The following SMAP1 variants were observed in gnomAD, a reference collection of about 807,000 sequenced individuals.
SMAP1 encodes the protein stromal membrane-associated protein 1.
Under a neutral mutation model 58.5 loss-of-function variants are expected in SMAP1, and 24 were observed. The observed-to-expected ratio is 0.41, with a 90% CI of 0.30 to 0.58. The LOEUF is 0.58. Among genes scored for constraint, SMAP1 ranks in the 20% least tolerant of loss-of-function variants. SMAP1 has a pLI of 0.29. For missense variants in SMAP1, 563 were observed against 566.3 expected, an observed-to-expected ratio of 0.99 and a Z score of 0.06; for synonymous variants, 216 against 196.6, an observed-to-expected ratio of 1.10 and a Z score of -0.82.
intron 3 of SMAP1, among the ~76,000 whole-genome samples, chr6:70,757,505 C>G (rs1766546353): frequency 6.6e-6 from 1 of 151,926 alleles, no homozygotes; most frequent in African/African-American, 2.4e-5. Context: ...CAACAAAAGC[C>G]AAAATTGACA....
chr6:70,774,467 C>T (rs891147897), intron 4 of SMAP1, among the ~76,000 whole-genome samples: 5 of 152,134 alleles, frequency 3.3e-5, no homozygotes, highest in African/African-American at 1.2e-4. Flanking sequence ...TTCATACAAA[C>T]TGGTTTCCTA....
chr6:70,851,692 T>A (rs995508211), intron 7 of SMAP1, among the ~76,000 whole-genome samples: 1 of 152,194 alleles, frequency 6.6e-6, no homozygotes, highest in Non-Finnish European at 1.5e-5. Context: ...CCAGCCCTTA[T>A]AAATGTTCAC....
At chr6:70,700,302 TA>T (rs1390059199) in intron 1 of SMAP1, among the ~76,000 whole-genome samples, 4 of 152,174 alleles carry the variant, frequency 2.6e-5, no homozygotes, top group Admixed American at 2.0e-4. Flanking sequence ...GTGAACCAAT[TA>T]AACCTCTTTT....
chr6:70,784,061 G>A (rs1333584986), intron 4 of SMAP1, among the ~76,000 whole-genome samples: 3 of 152,074 alleles, frequency 2.0e-5, no homozygotes, highest in Admixed American at 1.3e-4. Flanking sequence ...AGAAAGGTCG[G>A]GTTACCCACA....
Position 70,852,642 on chromosome 6 carries a change from C to T in SMAP1, c.767C>T (p.Ala256Val). ...CCGATGATTTCTAATCCCTTACCTG[C>T]AACTGTCATGCCCCCAGCTCAGGTA... ...FGPMISNPLP[A>V]TVMPPAQGTP... The change falls in exon 8 of 11, where the codon GCA becomes GTA. Residue 256 changes from alanine (A) to valine (V), a missense_variant. Physicochemically the swap from Ala to Val is moderately conservative, Grantham distance 64 (BLOSUM62 0). Transcript: ENST00000370455. 1 of 1,607,574 alleles carries T rather than the reference C, an allele frequency of 6.2e-7. No individual in the cohort carries two copies. Among genetic ancestry groups the T allele is most frequent in the African/African-American group, 1.3e-5 (1 of 74,798 alleles).
At chr6:70,732,346 G>A in intron 1 of SMAP1, 32 bp from the exon 2 acceptor site, 2 of 1,585,342 alleles carry the variant, frequency 1.3e-6, no homozygotes, top group Non-Finnish European at 1.7e-6. Flanking sequence ...TTTAACATTT[G>A]CTTTTTTTTG....
chr6:70,758,285 C>T (rs1052392888), intron 3 of SMAP1, among the ~76,000 whole-genome samples: 16 of 150,004 alleles, frequency 1.1e-4, no homozygotes, highest in Non-Finnish European at 1.9e-4. Flanking sequence ...AAACCAAACA[C>T]TGCATATTCT....
chr6:70,755,081 T>C lies in SMAP1; in HGVS notation c.338+16T>C. 1 of 1,577,712 alleles carries C rather than the reference T, an allele frequency of 6.3e-7. No homozygotes were observed. The highest frequency in any genetic ancestry group is 8.6e-7 in the Non-Finnish European group (1 of 1,156,286). ...AGACAGATCAGTATCCTTTAAAACT[T>C]ATTTGTTTTGAGTTTAAAAAACATT... On this transcript the variant is annotated intron_variant, in intron 3 of 10. Coordinates refer to ENST00000370455, the MANE Select transcript of SMAP1 (RefSeq NM_001044305.3).
At chr6:70,733,825 A>C (rs17763018) in intron 2 of SMAP1, among the ~76,000 whole-genome samples, 3,564 of 152,266 alleles carry the variant, frequency 0.023, 52 homozygotes, top group Non-Finnish European at 0.037. Flanking sequence ...AAAACACGAG[A>C]TCCTTCAACA....
intron 4 of SMAP1, among the ~76,000 whole-genome samples, chr6:70,788,512 C>G (rs989614421): frequency 6.6e-5 from 10 of 151,614 alleles, no homozygotes; most frequent in Non-Finnish European, 1.5e-4. Flanking sequence ...ATAGGAGGTG[C>G]GTACTCCAGA....
At chr6:70,780,521 C>T (rs1002261735) in intron 4 of SMAP1, among the ~76,000 whole-genome samples, 1 of 152,136 alleles carries the variant, frequency 6.6e-6, no homozygotes, top group Non-Finnish European at 1.5e-5. Flanking sequence ...GTTGAGGCTT[C>T]AGTGAGCTGT....
At chr6:70,754,813 T>G (rs1308178910) in intron 2 of SMAP1, among the ~76,000 whole-genome samples, 167 bp from the exon 3 acceptor site, 1 of 152,092 alleles carries the variant, frequency 6.6e-6, no homozygotes, top group Non-Finnish European at 1.5e-5. Flanking sequence ...CTGTTTTAAC[T>G]TGAGTGATTA....
In SMAP1 at chr6:70,824,460, CT is replaced by C. The variant is rs570350631; in HGVS notation, c.577-12473del. ...CCGTTAAAGGTACTAAAATATAAAG[CT>C]TTTTTTTCTTCCACAGTCTCTGTAC... On this transcript the variant is annotated intron_variant, in intron 6 of 10. Coordinates refer to ENST00000370455, the MANE Select transcript of SMAP1 (RefSeq NM_001044305.3). 2.5e-3 allele frequency among the ~76,000 whole-genome samples: 372 copies of C among 151,826 alleles called. 1 individual carries two copies. Among genetic ancestry groups the C allele is most frequent in the Non-Finnish European group, 4.4e-3 (301 of 67,924 alleles).
At chr6:70,724,007 C>A (rs1768647840) in intron 1 of SMAP1, among the ~76,000 whole-genome samples, 1 of 151,738 alleles carries the variant, frequency 6.6e-6, no homozygotes, top group Admixed American at 6.6e-5. Flanking sequence ...AGTTAAATAT[C>A]AATTCTTTTG....
intron 1 of SMAP1, among the ~76,000 whole-genome samples, chr6:70,671,655 C>CA (rs1464825250): frequency 1.3e-5 from 2 of 152,214 alleles, no homozygotes; most frequent in African/African-American, 4.8e-5. Context: ...CCCCTCTCCC[C>CA]AGCCCTTGGC....
intron 3 of SMAP1, among the ~76,000 whole-genome samples, chr6:70,758,242 T>G (rs1582125887): frequency 6.6e-6 from 1 of 151,616 alleles, no homozygotes; most frequent in South Asian, 2.1e-4. Flanking sequence ...AAATTGGAAA[T>G]CATCATTCTC....
At chr6:70,733,401 C>T (rs936214415) in intron 2 of SMAP1, among the ~76,000 whole-genome samples, 1 of 152,090 alleles carries the variant, frequency 6.6e-6, no homozygotes. Flanking sequence ...AAGGGAAATG[C>T]AATCTTTTAT....
intron 6 of SMAP1, among the ~76,000 whole-genome samples, chr6:70,819,228 A>G (rs537862924): frequency 2.0e-4 from 30 of 150,606 alleles, no homozygotes; most frequent in African/African-American, 5.3e-4. Context: ...TTTTTTTGCT[A>G]TTTTTGCACT....
chr6:70,820,849 TAAG>T (rs1769857052), intron 6 of SMAP1, among the ~76,000 whole-genome samples: 1 of 152,238 alleles, frequency 6.6e-6, no homozygotes. Flanking sequence ...TTTTTTATAA[TAAG>T]CATTATTTAG....
Sources: gnomAD v4.1 joint callset for allele counts (sites outside exome capture counted in the v4.1 genomes callset) on GRCh38, gnomAD v4.1.1 for gene constraint, MANE v1.5 for transcripts, NCBI Gene and HGNC (gene_info 2026-07-23, HGNC 2026-07-21) for gene names.